SZT2: variants seen among roughly 807,000 people sequenced by gnomAD.
SZT2 encodes SZT2 subunit of KICSTOR complex, also known as KICSTOR complex protein SZT2.
SZT2 carries 216 observed loss-of-function variants against 404.2 expected under a neutral mutation model. That is an observed-to-expected ratio of 0.53 (90% confidence interval 0.48 to 0.60). The LOEUF is 0.60. Ranked by LOEUF, SZT2 falls within the 20% of genes least tolerant of loss-of-function variation. The pLI, the probability that SZT2 is intolerant of heterozygous loss-of-function variation, is 0.00. For missense variants in SZT2, 3,857 were observed against 4,459.2 expected (o/e 0.86, Z 3.85); for synonymous variants, 1,693 against 1,749.9 (o/e 0.97, Z 0.81).
rs767416359 is a variant in SZT2 at position 43,443,332 on chromosome 1, T to C, written c.8500-20T>C. ...ATCCTGCCCCGTCACTGCTCCATGCTCACTGCCCTGTTTCCCCAGGCTGGA... is the reference window on the plus strand; with the variant it reads ...ATCCTGCCCCGTCACTGCTCCATGCCCACTGCCCTGTTTCCCCAGGCTGGA... On this transcript the variant is annotated intron_variant, in intron 60 of 71. Coordinates refer to ENST00000634258, the MANE Select transcript of SZT2 (RefSeq NM_001365999.1). 1.4e-5 allele frequency: 23 copies of C among 1,614,170 alleles called. No individual in the cohort carries two copies. In the South Asian group the frequency reaches 2.1e-4, roughly 15 times the overall value.
Position 43,442,794 on chromosome 1 carries a change from C to A in SZT2, c.8152-25C>A. 6.3e-7 allele frequency: 1 copy of A among 1,578,412 alleles called. No homozygotes were observed. The highest frequency in any genetic ancestry group is 8.6e-7 in the Non-Finnish European group (1 of 1,161,852). On this transcript the variant is annotated intron_variant, in intron 58 of 71. Coordinates refer to ENST00000634258, the MANE Select transcript of SZT2 (RefSeq NM_001365999.1). This position sits in a 1 kb window ranked among gnomAD's most constrained non-coding sequence, Gnocchi z 4.5. ...AGGGTCCGAGGGCAAAGGCTATGAA[C>A]CCATTGCAATGCTCCATCTCTCAGG...
intron 12 of SZT2, 42 bp from the exon 13 acceptor site, chr1:43,422,438 G>A (rs1315763484): frequency 6.5e-7 from 1 of 1,526,962 alleles, no homozygotes; most frequent in Non-Finnish European, 8.7e-7. Context: ...CTCCAAGCCT[G>A]GGGCCTGGAG....
Position 43,427,105 on chromosome 1 carries a change from C to T in SZT2, c.3359C>T (p.Pro1120Leu). ...TLKPLISAQP[P>L]QWRCYARLVN... ...AAGCCTCTCATCTCTGCCCAGCCCC[C>T]TCAGTGGCGCTGCTATGCAAGGCTT... Residue 1120 changes from proline (P) to leucine (L), a missense_variant, in exon 24 of 72, where the codon CCT becomes CTT. Coordinates refer to ENST00000634258, the MANE Select transcript of SZT2 (RefSeq NM_001365999.1). The T allele has an allele frequency of 6.2e-7, 1 of 1,614,264 alleles. No homozygotes were observed. The highest frequency in any genetic ancestry group is 8.5e-7 in the Non-Finnish European group (1 of 1,180,054).
chr1:43,427,959 A>C, intron 26 of SZT2, 44 bp from the exon 27 acceptor site: 1 of 1,546,210 alleles, frequency 6.5e-7, no homozygotes, highest in Non-Finnish European at 8.9e-7. Context: ...GTGAGGTATC[A>C]CTTAAGGGAG....
At position 43,392,296 on chromosome 1, in the gene SZT2, G is replaced by A. The variant is rs139299892; in HGVS notation, c.27+2301G>A. Among the ~76,000 whole-genome samples the A allele has an allele frequency of 7.9e-3, 1,197 of 151,888 alleles. 9 individuals carry two copies. The highest frequency in any genetic ancestry group is 0.026 in the East Asian group (133 of 5,168). On this transcript the variant is annotated intron_variant, in intron 1 of 71. Coordinates refer to ENST00000634258, the MANE Select transcript of SZT2 (RefSeq NM_001365999.1). ...TGATAGCACATCCCATCTTGGTCTA[G>A]CAACATTGTAAGTGCTCAGTAGCCC...
chr1:43,420,439 A>G lies in SZT2; in HGVS notation c.1261+116A>G. 1 of 1,313,138 alleles carries G rather than the reference A, an allele frequency of 7.6e-7. No individual in the cohort carries two copies. Among genetic ancestry groups the G allele is most frequent in the Non-Finnish European group, 1.0e-6 (1 of 985,630 alleles). 81.3% of individuals were successfully genotyped at this position (1,313,138 alleles called of 1,614,324 possible). A position where few individuals can be genotyped will look rare whatever the true frequency, so the allele number is the denominator to read the frequency against. On this transcript the variant is annotated intron_variant, in intron 9 of 71. Coordinates refer to ENST00000634258, the MANE Select transcript of SZT2 (RefSeq NM_001365999.1). This position sits in a 1 kb window ranked among gnomAD's most constrained non-coding sequence, Gnocchi z 5.1. ...CACATTGAAGTCCTTATCACTTGAGACAGTGGGTTTTGAATTGTCATCAGG... is the reference window on the plus strand; with the variant it reads ...CACATTGAAGTCCTTATCACTTGAGGCAGTGGGTTTTGAATTGTCATCAGG...
chr1:43,395,579 G>T (rs1648898638), intron 1 of SZT2, among the ~76,000 whole-genome samples: 1 of 152,230 alleles, frequency 6.6e-6, no homozygotes, highest in African/African-American at 2.4e-5. Context: ...GGAATTGCAG[G>T]CATGGGCCAC....
rs1002161665 is a variant in SZT2 at position 43,442,698 on chromosome 1, A to G, written c.8151+80A>G. 3 of 1,535,340 alleles carry G rather than the reference A, an allele frequency of 2.0e-6. No individual in the cohort carries two copies. Among genetic ancestry groups the G allele is most frequent in the Non-Finnish European group, 1.7e-6 (2 of 1,143,500 alleles). On this transcript the variant is annotated intron_variant, in intron 58 of 71. Coordinates refer to ENST00000634258, the MANE Select transcript of SZT2 (RefSeq NM_001365999.1). This position sits in a 1 kb window ranked among gnomAD's most constrained non-coding sequence, Gnocchi z 4.5. ...GGAAAAACCAGCTCAGAAGCCAGAAAGATGGGACAGACTGAGGGCAGAGGT... is the reference window on the plus strand; with the variant it reads ...GGAAAAACCAGCTCAGAAGCCAGAAGGATGGGACAGACTGAGGGCAGAGGT...
intron 1 of SZT2, among the ~76,000 whole-genome samples, chr1:43,391,014 G>A (rs947368358): frequency 6.6e-6 from 1 of 152,198 alleles, no homozygotes; most frequent in Non-Finnish European, 1.5e-5. Context: ...GAGGCACAGA[G>A]ATATTAAGAG....
intron 40 of SZT2, 142 bp downstream of exon 40, chr1:43,433,332 G>A: frequency 2.4e-6 from 2 of 842,400 alleles, no homozygotes; most frequent in Admixed American, 2.6e-5. Context: ...TCTTAGGTTG[G>A]TGGTTCCCGA....
At chr1:43,444,265 T>C (rs1655423639) in intron 62 of SZT2, among the ~76,000 whole-genome samples, 1 of 151,964 alleles carries the variant, frequency 6.6e-6, no homozygotes, top group African/African-American at 2.4e-5. Flanking sequence ...CTTGGCTAAT[T>C]TTTTGTATTT....
Position 43,437,684 on chromosome 1 carries a change from A to T in SZT2, c.6380A>T (p.Tyr2127Phe), listed in dbSNP as rs149812437. ...CTGTCCCGAAGCCAAGAGCCCATCT[A>T]CTCTGAGGAAGCCTCGGCATGTATC... The part of the protein sequence containing the change: ...LALSRSQEPI[Y>F]SEEASGPRSP... The change falls in exon 45 of 72, where the codon TAC (tyrosine) becomes TTC (phenylalanine). Residue 2127 changes from tyrosine to phenylalanine, a missense_variant. Tyr to Phe is a conservative substitution (Grantham distance 22, BLOSUM62 3). Coordinates refer to ENST00000634258, the MANE Select transcript of SZT2 (RefSeq NM_001365999.1). This position sits in a 1 kb window ranked among gnomAD's most constrained non-coding sequence, Gnocchi z 5.3. 622 of 1,613,352 alleles carry T rather than the reference A, an allele frequency of 3.9e-4. 2 individuals carry two copies. In the African/African-American group the frequency reaches 6.4e-3, roughly 16 times the overall value.
intron 1 of SZT2, among the ~76,000 whole-genome samples, 197 bp from the exon 2 acceptor site, chr1:43,402,980 G>C (rs925695969): frequency 1.3e-5 from 2 of 152,078 alleles, no homozygotes; most frequent in Non-Finnish European, 2.9e-5. Context: ...GGTCTGTATC[G>C]GGCAAACAGG....
chr1:43,447,293 C>A, intron 66 of SZT2, 125 bp downstream of exon 66: 2 of 1,170,044 alleles, frequency 1.7e-6, no homozygotes, highest in Non-Finnish European at 2.4e-6. Context: ...TCATGTCACA[C>A]ATACCACGTC....
Position 43,420,583 on chromosome 1 carries a change from G to A in SZT2, c.1262-166G>A, listed in dbSNP as rs1176467332. On this transcript the variant is annotated intron_variant, in intron 9 of 71. Coordinates refer to ENST00000634258, the MANE Select transcript of SZT2 (RefSeq NM_001365999.1). The surrounding 1 kb of genome is among the most constrained non-coding windows in gnomAD (Gnocchi z 5.1). Reference sequence around the variant, plus strand: ...GTTTTCAGATTGTTTCTACAAACTTGTGTTTGTGTCAGTGGGCCAACTCTG... The same window carrying A: ...GTTTTCAGATTGTTTCTACAAACTTATGTTTGTGTCAGTGGGCCAACTCTG... Among the ~76,000 whole-genome samples, 1 of 152,170 alleles carries A rather than the reference G, an allele frequency of 6.6e-6. No individual in the cohort carries two copies.
At chr1:43,428,159 G>A (rs1280287978) in intron 27 of SZT2, 41 bp downstream of exon 27, 15 of 1,610,932 alleles carry the variant, frequency 9.3e-6, no homozygotes, top group South Asian at 4.4e-5. Context: ...GGGGCCCTGC[G>A]GGAGATACAG....
rs555501954 is a variant in SZT2, at chr1:43,434,842, AACTT to A, written c.5905-353_5905-350del. 4.2e-3 allele frequency among the ~76,000 whole-genome samples: 647 copies of A among 152,316 alleles called. 1 individual carries two copies. Among genetic ancestry groups the A allele is most frequent in the Non-Finnish European group, 7.5e-3 (507 of 68,030 alleles). Reference sequence around the variant, plus strand: ...GGACAGTTGAACAACTGAATTACACAACTTACTTCAATTACAATTGTGAAGAATC... The same window carrying A: ...GGACAGTTGAACAACTGAATTACACAACTTCAATTACAATTGTGAAGAATC... On this transcript the variant is annotated intron_variant, in intron 41 of 71. Coordinates refer to ENST00000634258, the MANE Select transcript of SZT2 (RefSeq NM_001365999.1).
At chr1:43,430,868 TTA>T in intron 32 of SZT2, 79 bp downstream of exon 32, 1 of 1,581,262 alleles carries the variant, frequency 6.3e-7, no homozygotes, top group Non-Finnish European at 8.6e-7. Context: ...GAGCCTAGGG[TTA>T]TGTCTTTTAA....
intron 1 of SZT2, among the ~76,000 whole-genome samples, chr1:43,393,001 G>A (rs1648588203): frequency 6.6e-6 from 1 of 152,188 alleles, no homozygotes; most frequent in Non-Finnish European, 1.5e-5. Context: ...AGTAAACAAG[G>A]ATTGAATTAG....
Sources: allele counts gnomAD v4.1 joint callset (sites outside exome capture counted in the v4.1 genomes callset), GRCh38; gene constraint gnomAD v4.1.1; non-coding constraint Gnocchi (gnomAD v3.1); transcripts MANE v1.5; gene names NCBI Gene and HGNC (gene_info 2026-07-23, HGNC 2026-07-21).